The following SYT1 variants were observed in gnomAD, a reference collection of about 807,000 sequenced individuals.
SYT1 encodes the protein synaptotagmin 1.
Under a neutral mutation model 44.8 loss-of-function variants are expected in SYT1, and 8 were observed. The ratio of observed to expected loss-of-function variants is 0.18; its 90% confidence interval spans 0.10 to 0.32. The LOEUF (loss-of-function observed/expected upper bound fraction) is 0.32. Among genes scored for constraint, SYT1 ranks in the 10% least tolerant of loss-of-function variants. SYT1 has a pLI of 1.00. For synonymous variants in SYT1, 154 were observed against 188.8 expected (o/e 0.82, Z 1.51); for missense variants, 286 against 509.3 (o/e 0.56, Z 4.22).
chr12:78,948,471 T>C (rs562376683), intron 1 of SYT1, among the ~76,000 whole-genome samples: 1 of 152,030 alleles, frequency 6.6e-6, no homozygotes, highest in Non-Finnish European at 1.5e-5. Context: ...GTGATATACA[T>C]GATACAGATA....
intron 3 of SYT1, among the ~76,000 whole-genome samples, chr12:79,196,049 T>C (rs1412611238): frequency 1.3e-5 from 2 of 152,196 alleles, no homozygotes; most frequent in Non-Finnish European, 2.9e-5. Flanking sequence ...GAAGGAAATA[T>C]AGTTGCGAAC....
intron 4 of SYT1, among the ~76,000 whole-genome samples, chr12:79,257,508 T>C (rs993977211): frequency 6.6e-6 from 1 of 152,194 alleles, no homozygotes; most frequent in Non-Finnish European, 1.5e-5. Context: ...TGAGACGGAG[T>C]CTCGCTCTGT....
Position 78,906,183 on chromosome 12 carries a change from A to G in SYT1, c.-217+41074A>G, listed in dbSNP as rs188973516. Among the ~76,000 whole-genome samples, 952 of 152,120 alleles carry G rather than the reference A, an allele frequency of 6.3e-3. 17 individuals carry two copies. Among genetic ancestry groups the G allele is most frequent in the African/African-American group, 0.022 (919 of 41,554 alleles). On this transcript the variant is annotated intron_variant, in intron 1 of 10. Transcript: ENST00000261205. ...GATTTATTGAATTATTTTCTATAAC[A>G]TTAAGAAAGTCTTGAAATAGAAAAA...
intron 4 of SYT1, among the ~76,000 whole-genome samples, chr12:79,258,910 A>G (rs1877681119): frequency 6.6e-6 from 1 of 152,250 alleles, no homozygotes; most frequent in African/African-American, 2.4e-5. Flanking sequence ...GCTGAATACA[A>G]AATTGTATAT....
intron 1 of SYT1, among the ~76,000 whole-genome samples, chr12:78,907,745 T>G (rs1876078023): frequency 6.6e-6 from 1 of 152,054 alleles, no homozygotes; most frequent in African/African-American, 2.4e-5. Context: ...TGAAGCTACC[T>G]TTTATTTTGT....
chr12:79,253,483 GTCTCTCTCTCTCTCTCTCTCTCTC>G, intron 4 of SYT1, among the ~76,000 whole-genome samples: 1 of 129,490 alleles, frequency 7.7e-6, no homozygotes, highest in African/African-American at 2.8e-5. Context: ...CCATTGCCCA[GTCTCTCTCTCTCTCTCTCTCTCTC>G]TCTCTCTCTC....
intron 9 of SYT1, chr12:79,392,978 C>T (rs1215118787): frequency 1.3e-5 from 2 of 150,428 alleles, no homozygotes. Context: ...GAGCAGGCCC[C>T]CACATGTGAT....
chr12:79,318,346 A>AT (rs1391691519), intron 8 of SYT1, among the ~76,000 whole-genome samples: 1 of 152,032 alleles, frequency 6.6e-6, no homozygotes, highest in East Asian at 1.9e-4. Flanking sequence ...TCACCAGGTG[A>AT]TTTTCACTCT....
At chr12:79,130,936 A>G (rs895353894) in intron 3 of SYT1, among the ~76,000 whole-genome samples, 1 of 152,124 alleles carries the variant, frequency 6.6e-6, no homozygotes, top group Non-Finnish European at 1.5e-5. Context: ...AGTGATATTC[A>G]ATCCAGTTGA....
At chr12:78,941,650 A>G (rs1206075946) in intron 1 of SYT1, among the ~76,000 whole-genome samples, 2 of 152,190 alleles carry the variant, frequency 1.3e-5, no homozygotes, top group African/African-American at 4.8e-5. Flanking sequence ...CTATTACACT[A>G]TTACAGGAAA....
intron 4 of SYT1, among the ~76,000 whole-genome samples, chr12:79,282,984 C>T (rs1879126195): frequency 6.6e-6 from 1 of 152,056 alleles, no homozygotes; most frequent in Non-Finnish European, 1.5e-5. Context: ...ATGAATAATA[C>T]TGTGGGTGTT....
intron 4 of SYT1, among the ~76,000 whole-genome samples, chr12:79,234,677 A>C (rs1876070377): frequency 6.9e-6 from 1 of 144,030 alleles, no homozygotes; most frequent in African/African-American, 2.5e-5. Flanking sequence ...GGTTATTTCT[A>C]GTTTGGGGCT....
chr12:79,392,967 C>T (rs1272714773), intron 9 of SYT1: 20 of 149,962 alleles, frequency 1.3e-4, no homozygotes, highest in South Asian at 2.1e-4. Context: ...CCCCCACCCC[C>T]GAGCAGGCCC....
Position 79,202,377 on chromosome 12 carries a change from C to G in SYT1, c.-17-15126C>G, listed in dbSNP as rs534850265. 4.6e-5 allele frequency among the ~76,000 whole-genome samples: 7 copies of G among 152,232 alleles called. No homozygotes were observed. The South Asian group carries it at 1.5e-3, about 32-fold the overall frequency. On this transcript the variant is annotated intron_variant, in intron 3 of 10. Coordinates refer to ENST00000261205, the MANE Select transcript of SYT1 (RefSeq NM_005639.3). Reference sequence around the variant, plus strand: ...TTTATAGGAAATCTGTTCTTAACCCCGCTTTCTTAAAGTGGTGTGTTCTGG... The same window carrying G: ...TTTATAGGAAATCTGTTCTTAACCCGGCTTTCTTAAAGTGGTGTGTTCTGG...
At chr12:79,375,525 C>A (rs1883959413) in intron 9 of SYT1, among the ~76,000 whole-genome samples, 1 of 152,184 alleles carries the variant, frequency 6.6e-6, no homozygotes, top group South Asian at 2.1e-4. Flanking sequence ...TTAATTCCAG[C>A]TCAGGCTGTG....
chr12:79,153,662 C>T (rs548621532), intron 3 of SYT1, among the ~76,000 whole-genome samples: 2 of 152,194 alleles, frequency 1.3e-5, no homozygotes, highest in Non-Finnish European at 2.9e-5. Flanking sequence ...GCTTTTACTT[C>T]GTTAAGTGGA....
chr12:79,206,530 G>GA (rs569794722), intron 3 of SYT1, among the ~76,000 whole-genome samples: 35 of 151,980 alleles, frequency 2.3e-4, no homozygotes, highest in Admixed American at 1.5e-3. Context: ...TAAAAAATGT[G>GA]AAAAAAAATA....
chr12:79,007,816 A>G (rs1592655863), intron 2 of SYT1, among the ~76,000 whole-genome samples: 1 of 152,246 alleles, frequency 6.6e-6, no homozygotes, highest in East Asian at 1.9e-4. Flanking sequence ...CATCAAAGGC[A>G]GAAGAGTATG....
At position 79,026,702 on chromosome 12, in the gene SYT1, T is replaced by TATATATATATAAAA. The variant is rs34140383; in HGVS notation, c.-83-20595_-83-20594insATATATATATAAAA. 7.9e-3 allele frequency among the ~76,000 whole-genome samples: 991 copies of TATATATATATAAAA among 125,156 alleles called. 12 individuals carry two copies. The highest frequency in any genetic ancestry group is 0.031 in the East Asian group (118 of 3,828). The allele number at this position is 125,156 out of a possible 152,430, so 82.1% of individuals were successfully genotyped here. A position where few individuals can be genotyped will look rare whatever the true frequency, so the allele number is the denominator to read the frequency against. ...ATATATATATATATATATATATATA[T>TATATATATATAAAA]CACACTTTCATTGTCCATTCACTAT... On this transcript the variant is annotated intron_variant, in intron 2 of 10. Transcript: ENST00000261205.
Sources: gnomAD v4.1 joint callset for allele counts (sites outside exome capture counted in the v4.1 genomes callset) on GRCh38, gnomAD v4.1.1 for gene constraint, MANE v1.5 for transcripts, NCBI Gene and HGNC (gene_info 2026-07-23, HGNC 2026-07-21) for gene names.